The following RBFOX1 variants were observed in gnomAD, a reference collection of about 807,000 sequenced individuals.
RBFOX1 encodes the protein RNA binding fox-1 homolog 1.
RBFOX1 carries 8 observed loss-of-function variants against 57.7 expected under a neutral mutation model. That is an observed-to-expected ratio of 0.14 (90% CI 0.08 to 0.25). The LOEUF is 0.25. Ranked by LOEUF, RBFOX1 falls within the 10% of genes least tolerant of loss-of-function variation. RBFOX1 has a pLI of 1.00. For missense variants in RBFOX1, 611 were observed against 548.5 expected, an observed-to-expected ratio of 1.11 and a Z score of -1.14; for synonymous variants, 326 against 222.4, an observed-to-expected ratio of 1.47 and a Z score of -4.15.
intron 4 of RBFOX1, among the ~76,000 whole-genome samples, chr16:5,939,405 A>C (rs1383385669): frequency 6.6e-6 from 1 of 152,224 alleles, no homozygotes; most frequent in African/African-American, 2.4e-5. Flanking sequence ...CAGTCATCTG[A>C]AGGTCTGACT....
At chr16:6,946,406 G>C (rs968982464) in intron 3 of RBFOX1, among the ~76,000 whole-genome samples, 1 of 152,158 alleles carries the variant, frequency 6.6e-6, no homozygotes, top group African/African-American at 2.4e-5. Flanking sequence ...CAAGCTCTAC[G>C]CTTATTGCCT....
intron 3 of RBFOX1, among the ~76,000 whole-genome samples, chr16:6,992,355 C>G (rs1000170165): frequency 1.3e-5 from 2 of 151,952 alleles, no homozygotes; most frequent in African/African-American, 2.4e-5. Context: ...GTAGCTGGGA[C>G]TACAGGTACC....
At chr16:5,876,305 AC>A in intron 4 of RBFOX1, among the ~76,000 whole-genome samples, 1 of 149,238 alleles carries the variant, frequency 6.7e-6, no homozygotes, top group African/African-American at 2.5e-5. Flanking sequence ...TCACAATATA[AC>A]CCTATGAAGT....
intron 4 of RBFOX1, among the ~76,000 whole-genome samples, chr16:5,936,621 T>C (rs2152257664): frequency 6.6e-6 from 1 of 152,300 alleles, no homozygotes; most frequent in South Asian, 2.1e-4. Flanking sequence ...AGATTGATGG[T>C]GGATGATGAA....
exon 2 of RBFOX1, chr16:5,467,248 G>A (rs1184044265): frequency 6.7e-7 from 1 of 1,499,000 alleles, no homozygotes; most frequent in East Asian, 2.5e-5. Flanking sequence ...GCCTGGTTGA[G>A]GGTCAGGTAA....
intron 1 of RBFOX1, among the ~76,000 whole-genome samples, chr16:5,405,710 T>A (rs879559908): frequency 3.3e-5 from 5 of 152,192 alleles, no homozygotes; most frequent in Admixed American, 1.3e-4. Flanking sequence ...CAGACTTGGT[T>A]TGCGGGGATA....
intron 1 of RBFOX1, among the ~76,000 whole-genome samples, chr16:5,396,822 A>G (rs2066572344): frequency 6.6e-6 from 1 of 152,200 alleles, no homozygotes; most frequent in South Asian, 2.1e-4. Flanking sequence ...CAGCAGAGAG[A>G]GTAGATTGAT....
intron 5 of RBFOX1, among the ~76,000 whole-genome samples, chr16:7,548,066 T>C (rs930647541): frequency 2.6e-5 from 4 of 152,248 alleles, no homozygotes; most frequent in Non-Finnish European, 5.9e-5. Flanking sequence ...CAGGCACATT[T>C]TGAGCTACTT....
chr16:5,685,335 C>G (rs544906717), intron 3 of RBFOX1, among the ~76,000 whole-genome samples: 4 of 152,250 alleles, frequency 2.6e-5, no homozygotes, highest in African/African-American at 7.2e-5. Flanking sequence ...AATAGTTAGC[C>G]TCCAAGTAAG....
chr16:7,597,609 A>C (rs2094773748), intron 9 of RBFOX1, among the ~76,000 whole-genome samples, 178 bp downstream of exon 9: 1 of 152,204 alleles, frequency 6.6e-6, no homozygotes, highest in South Asian at 2.1e-4. Flanking sequence ...AACAAAGGCA[A>C]ATGGAGTGTT....
chr16:6,320,236 A>T (rs62016216), intron 2 of RBFOX1, among the ~76,000 whole-genome samples: 22,965 of 152,034 alleles, frequency 0.15, 2,108 homozygotes, highest in South Asian at 0.27. Context: ...AGGAGATTAG[A>T]CTCGCAGCTT....
intron 1 of RBFOX1, among the ~76,000 whole-genome samples, chr16:5,376,565 G>C (rs2065988989): frequency 6.6e-6 from 1 of 152,136 alleles, no homozygotes; most frequent in Non-Finnish European, 1.5e-5. Context: ...TGAAGGAAGG[G>C]GTGGTGCACA....
At chr16:7,368,397 C>T (rs2097503339) in intron 4 of RBFOX1, among the ~76,000 whole-genome samples, 1 of 152,070 alleles carries the variant, frequency 6.6e-6, no homozygotes, top group Non-Finnish European at 1.5e-5. Flanking sequence ...TACGTATTAC[C>T]AGAAAACCAG....
chr16:6,799,732 C>T (rs549181083), intron 3 of RBFOX1, among the ~76,000 whole-genome samples: 7 of 152,276 alleles, frequency 4.6e-5, no homozygotes, highest in Non-Finnish European at 8.8e-5. Flanking sequence ...CTGGATACTT[C>T]TTGCCCTTGA....
intron 3 of RBFOX1, among the ~76,000 whole-genome samples, chr16:6,731,457 T>C (rs1398462712): frequency 2.6e-5 from 4 of 152,162 alleles, no homozygotes; most frequent in Admixed American, 6.5e-5. Flanking sequence ...GGGTTTGCCA[T>C]CTTTTTGTGC....
At chr16:7,430,110 C>G (rs182346364) in intron 4 of RBFOX1, among the ~76,000 whole-genome samples, 3 of 152,330 alleles carry the variant, frequency 2.0e-5, no homozygotes, top group East Asian at 3.9e-4. Flanking sequence ...ACTTGTTCTA[C>G]TTTCTTGCCA....
At chr16:6,148,564 A>C (rs77503996) in intron 1 of RBFOX1, among the ~76,000 whole-genome samples, 1 of 152,120 alleles carries the variant, frequency 6.6e-6, no homozygotes, top group African/African-American at 2.4e-5. Flanking sequence ...AGGACCAATA[A>C]GAGTCATGTT....
chr16:6,729,415 C>G (rs758514121), intron 3 of RBFOX1, among the ~76,000 whole-genome samples: 19 of 152,174 alleles, frequency 1.2e-4, no homozygotes, highest in Non-Finnish European at 2.4e-4. Flanking sequence ...CTTCTGCAGT[C>G]TTACAGGCGT....
chr16:7,272,799 G>T (rs1246395740), intron 4 of RBFOX1, among the ~76,000 whole-genome samples: 1 of 152,092 alleles, frequency 6.6e-6, no homozygotes, highest in South Asian at 2.1e-4. Flanking sequence ...CACAGAACCA[G>T]TGACTCTTGT....
Sources: allele counts gnomAD v4.1 joint callset (sites outside exome capture counted in the v4.1 genomes callset), GRCh38; gene constraint gnomAD v4.1.1; transcripts MANE v1.5; gene names NCBI Gene and HGNC (gene_info 2026-07-23, HGNC 2026-07-21).